Variants in SATB2 observed in about 807,000 individuals in gnomAD.
SATB2 encodes SATB homeobox 2.
SATB2 carries 1 observed loss-of-function variant against 73.4 expected under a neutral mutation model. The ratio of observed to expected loss-of-function variants is 0.01; its 90% CI spans 0.00 to 0.06. The LOEUF is 0.06. Ranked by LOEUF, SATB2 falls within the 10% of genes least tolerant of loss-of-function variation. The pLI is 1.00. For missense variants in SATB2, 459 were observed against 945.8 expected (o/e 0.49, Z 6.75); for synonymous variants, 397 against 367.0 (o/e 1.08, Z -0.93).
chr2:199,373,180 T>C (rs1317677879), intron 5 of SATB2, among the ~76,000 whole-genome samples: 2 of 152,154 alleles, frequency 1.3e-5, no homozygotes, highest in African/African-American at 4.8e-5. Context: ...GGGCATCCCC[T>C]AGCCTCCTCT....
chr2:199,354,384 C>A (rs974063840), intron 6 of SATB2, among the ~76,000 whole-genome samples: 2 of 151,988 alleles, frequency 1.3e-5, no homozygotes, highest in Non-Finnish European at 2.9e-5. Context: ...AAATAACTCA[C>A]AACTGCTCCC....
At chr2:199,358,733 AACCTCC>A (rs1251195828) in intron 6 of SATB2, among the ~76,000 whole-genome samples, 1 of 152,118 alleles carries the variant, frequency 6.6e-6, no homozygotes, top group Non-Finnish European at 1.5e-5. Flanking sequence ...CCATCATATT[AACCTCC>A]ACAGAAACAT....
At chr2:199,275,717 T>G (rs1237541274) in intron 10 of SATB2, among the ~76,000 whole-genome samples, 1 of 152,168 alleles carries the variant, frequency 6.6e-6, no homozygotes, top group Non-Finnish European at 1.5e-5. Context: ...GGTCAGACAA[T>G]GTACCATAGT....
At chr2:199,387,218 C>T (rs1574576434) in intron 3 of SATB2, among the ~76,000 whole-genome samples, 1 of 152,264 alleles carries the variant, frequency 6.6e-6, no homozygotes, top group East Asian at 1.9e-4. Context: ...AGTTTTTGAA[C>T]TACTGGGCCA....
At chr2:199,440,721 T>C (rs59489302) in intron 2 of SATB2, among the ~76,000 whole-genome samples, 2 of 152,126 alleles carry the variant, frequency 1.3e-5, no homozygotes, top group Non-Finnish European at 2.9e-5. Flanking sequence ...TAGTTGGCTT[T>C]TTCTTAACTC....
intron 3 of SATB2, among the ~76,000 whole-genome samples, chr2:199,401,939 G>C (rs1222642176): frequency 6.6e-6 from 1 of 152,128 alleles, no homozygotes; most frequent in East Asian, 1.9e-4. Context: ...TAGGTTACTG[G>C]GGGAGGCTGC....
intron 8 of SATB2, chr2:199,325,453 A>G (rs1484832427): frequency 3.3e-5 from 5 of 152,120 alleles, no homozygotes; most frequent in African/African-American, 1.2e-4. Context: ...AAAATCTCCA[A>G]TTTATGCCAG....
At chr2:199,309,626 G>A (rs1050401225) in intron 9 of SATB2, among the ~76,000 whole-genome samples, 1 of 152,188 alleles carries the variant, frequency 6.6e-6, no homozygotes, top group Non-Finnish European at 1.5e-5. Flanking sequence ...GCATCCGGAT[G>A]TTCTCTCTCT....
intron 6 of SATB2, among the ~76,000 whole-genome samples, chr2:199,350,420 G>A (rs985983262): frequency 7.9e-5 from 12 of 152,018 alleles, no homozygotes; most frequent in Non-Finnish European, 1.3e-4. Context: ...TGAGATGACT[G>A]AAAACAGGGG....
intron 10 of SATB2, among the ~76,000 whole-genome samples, chr2:199,302,591 G>C (rs1348172257): frequency 6.6e-6 from 1 of 152,158 alleles, no homozygotes; most frequent in Non-Finnish European, 1.5e-5. Context: ...CTCAGGACTA[G>C]AGTGGGGATT....
intron 6 of SATB2, among the ~76,000 whole-genome samples, chr2:199,367,399 A>C (rs1483265058): frequency 6.6e-6 from 1 of 152,108 alleles, no homozygotes; most frequent in Non-Finnish European, 1.5e-5. Flanking sequence ...TTGCCTTATA[A>C]AACATATATT....
chr2:199,361,729 T>C (rs1378897219), intron 6 of SATB2, among the ~76,000 whole-genome samples: 3 of 151,806 alleles, frequency 2.0e-5, no homozygotes, highest in Non-Finnish European at 4.4e-5. Context: ...ACAACAAATA[T>C]GATCGCCCAG....
At chr2:199,449,917 A>G (rs1037302928) in intron 2 of SATB2, among the ~76,000 whole-genome samples, 4 of 152,124 alleles carry the variant, frequency 2.6e-5, no homozygotes, top group African/African-American at 9.7e-5. Flanking sequence ...CTACAAAGAA[A>G]AGAATAGAAA....
At chr2:199,391,513 G>C (rs1690140566) in intron 3 of SATB2, among the ~76,000 whole-genome samples, 2 of 151,742 alleles carry the variant, frequency 1.3e-5, no homozygotes, top group Non-Finnish European at 1.5e-5. Flanking sequence ...TACACATCAG[G>C]GACATTTTCA....
chr2:199,428,305 T>C (rs1691395769), intron 3 of SATB2, among the ~76,000 whole-genome samples: 1 of 152,238 alleles, frequency 6.6e-6, no homozygotes, highest in Non-Finnish European at 1.5e-5. Context: ...CTGTCTCTGT[T>C]ACTTCAAAAA....
chr2:199,329,524 T>C (rs1443371448), intron 7 of SATB2, among the ~76,000 whole-genome samples: 1 of 151,822 alleles, frequency 6.6e-6, no homozygotes, highest in Non-Finnish European at 1.5e-5. Flanking sequence ...TCCTTACATA[T>C]GTACAAAGGG....
At chr2:199,314,881 A>G (rs1432444395) in intron 9 of SATB2, among the ~76,000 whole-genome samples, 7 of 152,096 alleles carry the variant, frequency 4.6e-5, no homozygotes, top group Admixed American at 4.6e-4. Context: ...CTTTCTTTTC[A>G]TCTCTTTCCC....
In SATB2 at chr2:199,291,166, C is replaced by T. The variant is rs531650264; in HGVS notation, c.1740+17594G>A. On this transcript the variant is annotated intron_variant, in intron 10 of 10. Transcript: ENST00000417098. ...AACAAAGAGAGACTTTGTGAAGAAA[C>T]AACAAAGAAAAAAAGTAACAAAATT... Among the ~76,000 whole-genome samples, 17 of 152,162 alleles carry T rather than the reference C, an allele frequency of 1.1e-4. No homozygotes were observed. The South Asian group carries it at 3.5e-3, about 32-fold the overall frequency.
At chr2:199,283,699 C>G (rs533818604) in intron 10 of SATB2, among the ~76,000 whole-genome samples, 1 of 151,912 alleles carries the variant, frequency 6.6e-6, no homozygotes, top group African/African-American at 2.4e-5. Context: ...ATGGTCCAGG[C>G]AGTTGTATTT....
Sources: gnomAD v4.1 joint callset for allele counts (sites outside exome capture counted in the v4.1 genomes callset) on GRCh38, gnomAD v4.1.1 for gene constraint, MANE v1.5 for transcripts, NCBI Gene and HGNC (gene_info 2026-07-23, HGNC 2026-07-21) for gene names.